CNST: variants seen among roughly 807,000 people sequenced by gnomAD.
CNST encodes consortin, connexin sorting protein, also known as consortin.
A neutral mutation model predicts 72.4 loss-of-function variants in CNST; 39 were observed. The ratio of observed to expected loss-of-function variants is 0.54; its 90% confidence interval spans 0.42 to 0.70. The LOEUF (loss-of-function observed/expected upper bound fraction) is 0.70. Ranked by LOEUF, CNST falls within the 30% of genes least tolerant of loss-of-function variation. The pLI is 0.00. For missense variants in CNST, 871 were observed against 868.5 expected, an observed-to-expected ratio of 1.00 and a Z score of -0.04; for synonymous variants, 332 against 320.1, an observed-to-expected ratio of 1.04 and a Z score of -0.40.
intron 10 of CNST, among the ~76,000 whole-genome samples, chr1:246,664,642 G>T (rs1399042191): frequency 6.6e-6 from 1 of 151,694 alleles, no homozygotes; most frequent in East Asian, 1.9e-4. Flanking sequence ...CAGCCAGGAT[G>T]GTCTCGATCT....
intron 6 of CNST, among the ~76,000 whole-genome samples, chr1:246,638,109 G>A (rs949260574): frequency 6.6e-6 from 1 of 152,202 alleles, no homozygotes; most frequent in Non-Finnish European, 1.5e-5. Context: ...TTGCAAGAGA[G>A]GTTTGTAGCC....
At chr1:246,589,613 C>T (rs1661416958) in intron 1 of CNST, among the ~76,000 whole-genome samples, 1 of 152,094 alleles carries the variant, frequency 6.6e-6, no homozygotes, top group Non-Finnish European at 1.5e-5. Context: ...GATTTATAAT[C>T]CTTTGGGTGT....
At chr1:246,657,763 T>C (rs1354602953) in intron 9 of CNST, among the ~76,000 whole-genome samples, 1 of 152,184 alleles carries the variant, frequency 6.6e-6, no homozygotes, top group Non-Finnish European at 1.5e-5. Flanking sequence ...GGACCAGCTC[T>C]AGGTTCAGTT....
At chr1:246,588,416 ATTTG>A (rs963680924) in intron 1 of CNST, among the ~76,000 whole-genome samples, 6 of 152,266 alleles carry the variant, frequency 3.9e-5, no homozygotes, top group African/African-American at 1.4e-4. Flanking sequence ...AAGTATTTGC[ATTTG>A]TTTAATTACA....
chr1:246,615,607 G>A (rs923522407), intron 2 of CNST, among the ~76,000 whole-genome samples: 29 of 147,942 alleles, frequency 2.0e-4, no homozygotes, highest in African/African-American at 5.5e-4. Context: ...GGCCGGGCAC[G>A]GTGGCTCACG....
At chr1:246,663,983 C>T (rs1458309065) in intron 10 of CNST, among the ~76,000 whole-genome samples, 2 of 152,008 alleles carry the variant, frequency 1.3e-5, no homozygotes, top group Admixed American at 6.6e-5. Flanking sequence ...TGTATTACTG[C>T]ACAATGTTCT....
At chr1:246,624,599 G>A (rs78432893) in intron 3 of CNST, among the ~76,000 whole-genome samples, 2 of 152,210 alleles carry the variant, frequency 1.3e-5, no homozygotes, top group African/African-American at 2.4e-5. Flanking sequence ...GACAAGATTC[G>A]GTTGATGGCT....
chr1:246,633,967 T>C lies in CNST; in HGVS notation c.660T>C (p.His220=), dbSNP rs756361432. ...TCATTCAGCTAGAACGATTGTATCA[T>C]GAGCAATTGCTCGCAAATCTTTCTG... ...MKFIQLERLY[H]EQLLANLSAI... Residue 220 remains histidine (H), a synonymous_variant, in exon 5 of 11, where the codon CAT becomes CAC. Transcript: ENST00000366513. 5 of 1,613,454 alleles carry C rather than the reference T, an allele frequency of 3.1e-6. No homozygotes were observed. The highest frequency in any genetic ancestry group is 2.2e-5 in the East Asian group (1 of 44,846).
At chr1:246,645,424 C>CTTTTTTTTTTTTTTTTTT (rs1553384186) in intron 8 of CNST, among the ~76,000 whole-genome samples, 1 of 106,106 alleles carries the variant, frequency 9.4e-6, no homozygotes, top group African/African-American at 3.3e-5. Context: ...AAGGTTAAAA[C>CTTTTTTTTTTTTTTTTTT]TTTTTTTTTT....
At chr1:246,662,507 G>A (rs1474508013) in intron 10 of CNST, among the ~76,000 whole-genome samples, 1 of 152,146 alleles carries the variant, frequency 6.6e-6, no homozygotes, top group Non-Finnish European at 1.5e-5. Flanking sequence ...TTCTGCCTCA[G>A]CCTCCCAGGT....
intron 3 of CNST, among the ~76,000 whole-genome samples, chr1:246,630,155 G>T (rs1338733937): frequency 6.6e-6 from 1 of 152,192 alleles, no homozygotes; most frequent in South Asian, 2.1e-4. Flanking sequence ...CTTGACATCG[G>T]CCATGGTGGG....
At position 246,605,390 on chromosome 1, in the gene CNST, G is replaced by C. The variant is rs979730164; in HGVS notation, c.379+13449G>C. On this transcript the variant is annotated intron_variant, in intron 2 of 10. Transcript: ENST00000366513. ...CATGAGTTAAAGAACAGCCTGGGCCGGGCGCGGTGGCTCACGCCTGCAAGG... is the reference window on the plus strand; with the variant it reads ...CATGAGTTAAAGAACAGCCTGGGCCCGGCGCGGTGGCTCACGCCTGCAAGG... 2.0e-5 allele frequency among the ~76,000 whole-genome samples: 3 copies of C among 152,208 alleles called. No individual in the cohort carries two copies. In the South Asian group the frequency reaches 6.2e-4, roughly 32 times the overall value.
At chr1:246,636,304 A>C (rs1665236205) in intron 6 of CNST, among the ~76,000 whole-genome samples, 1 of 151,954 alleles carries the variant, frequency 6.6e-6, no homozygotes, top group Non-Finnish European at 1.5e-5. Flanking sequence ...CGTCCCTCTT[A>C]CTGGGTTGGT....
intron 1 of CNST, among the ~76,000 whole-genome samples, chr1:246,568,893 A>G (rs980552010): frequency 1.3e-5 from 2 of 152,016 alleles, no homozygotes; most frequent in African/African-American, 4.8e-5. Context: ...TGCTTTTTAC[A>G]TTTAAATATA....
intron 2 of CNST, among the ~76,000 whole-genome samples, chr1:246,620,169 ATC>A (rs373423171): frequency 0.012 from 125 of 10,374 alleles, 2 homozygotes; most frequent in Non-Finnish European, 0.021. Flanking sequence ...GGACGGCTTC[ATC>A]GTGGTGCATA....
chr1:246,618,862 G>A (rs1349876931), intron 2 of CNST, among the ~76,000 whole-genome samples: 2 of 152,102 alleles, frequency 1.3e-5, no homozygotes, highest in Non-Finnish European at 2.9e-5. Context: ...CGATTATCCA[G>A]GACCCTTTTT....
chr1:246,588,672 T>C (rs187792790), intron 1 of CNST, among the ~76,000 whole-genome samples: 41 of 152,330 alleles, frequency 2.7e-4, no homozygotes, highest in African/African-American at 9.9e-4. Flanking sequence ...TTATTCAATA[T>C]ATCTAAAGTA....
chr1:246,652,976 C>T (rs1666568295), intron 9 of CNST, among the ~76,000 whole-genome samples: 1 of 151,478 alleles, frequency 6.6e-6, no homozygotes, highest in Non-Finnish European at 1.5e-5. Context: ...TGCACTCCAG[C>T]CTGGGCTACA....
At chr1:246,586,315 C>A (rs1661195424) in intron 1 of CNST, among the ~76,000 whole-genome samples, 1 of 146,954 alleles carries the variant, frequency 6.8e-6, no homozygotes, top group Admixed American at 6.8e-5. Flanking sequence ...CAAGCTCTAT[C>A]TTATGTATCA....
Sources: allele counts gnomAD v4.1 joint callset (sites outside exome capture counted in the v4.1 genomes callset), GRCh38; gene constraint gnomAD v4.1.1; transcripts MANE v1.5; gene names NCBI Gene and HGNC (gene_info 2026-07-23, HGNC 2026-07-21).